Variants in LARP4B observed in about 807,000 individuals in gnomAD.
LARP4B encodes La ribonucleoprotein 4B, also known as la-related protein 4B.
Under a neutral mutation model 89.8 loss-of-function variants are expected in LARP4B, and 12 were observed. That is an observed-to-expected ratio of 0.13 (90% CI 0.09 to 0.22). LARP4B has a LOEUF of 0.22. LARP4B is among the 10% of genes least tolerant of loss of function. LARP4B has a pLI of 1.00. For synonymous variants in LARP4B, 367 were observed against 363.3 expected, an observed-to-expected ratio of 1.01 and a Z score of -0.12; for missense variants, 757 against 947.7, an observed-to-expected ratio of 0.80 and a Z score of 2.64.
intron 3 of LARP4B, among the ~76,000 whole-genome samples, chr10:884,098 G>A (rs1835780378): frequency 6.6e-6 from 1 of 152,136 alleles, no homozygotes; most frequent in African/African-American, 2.4e-5. Context: ...CAATTTGTGT[G>A]GTTTAAGGAA....
Position 872,695 on chromosome 10 carries a change from G to A in LARP4B, c.142-8425C>T, listed in dbSNP as rs1171715818. Among the ~76,000 whole-genome samples, 3 of 152,158 alleles carry A rather than the reference G, an allele frequency of 2.0e-5. No individual in the cohort carries two copies. The East Asian group carries it at 5.8e-4, about 29-fold the overall frequency. ...CAAAGGCTTCCTCCTGCAGGCCTCG[G>A]TCAGAAGGCACCAGCACACATGAGA... On this transcript the variant is annotated intron_variant, in intron 3 of 17. Coordinates refer to ENST00000316157, the MANE Select transcript of LARP4B (RefSeq NM_015155.3).
At chr10:903,766 A>G (rs1836407548) in intron 1 of LARP4B, among the ~76,000 whole-genome samples, 1 of 152,190 alleles carries the variant, frequency 6.6e-6, no homozygotes, top group African/African-American at 2.4e-5. Context: ...CATCATCACA[A>G]AACTACAGTT....
At chr10:895,879 T>C (rs1043655757) in intron 1 of LARP4B, among the ~76,000 whole-genome samples, 4 of 152,172 alleles carry the variant, frequency 2.6e-5, no homozygotes, top group African/African-American at 9.7e-5. Flanking sequence ...CAATGTGTGA[T>C]TAACTTATTG....
intron 3 of LARP4B, among the ~76,000 whole-genome samples, chr10:870,890 T>A (rs1231350818): frequency 1.3e-5 from 2 of 152,246 alleles, no homozygotes; most frequent in African/African-American, 4.8e-5. Context: ...TGGACTGAAA[T>A]GTGGTAACAC....
chr10:963,745 A>G, the LARP4B span, among the ~76,000 whole-genome samples: 8 of 152,332 alleles, frequency 5.3e-5, no homozygotes, highest in Non-Finnish European at 1.0e-4. Flanking sequence ...AGAGGCTGGG[A>G]AGTCCAAGAT....
At chr10:916,345 A>G (rs1836822338) in intron 1 of LARP4B, among the ~76,000 whole-genome samples, 2 of 152,250 alleles carry the variant, frequency 1.3e-5, no homozygotes, top group African/African-American at 4.8e-5. Flanking sequence ...ACTTGGCTAC[A>G]GTCAAAAATT....
chr10:817,843 C>T lies in LARP4B; in HGVS notation c.1577G>A (p.Ser526Asn), dbSNP rs772625362. 4.3e-5 allele frequency: 70 copies of T among 1,614,168 alleles called. No homozygotes were observed. The East Asian group carries it at 7.4e-4, about 17-fold the overall frequency. Residue 526 changes from serine to asparagine, a missense_variant, in exon 15 of 18, where the codon AGC becomes AAC. Transcript: ENST00000316157. The part of the protein sequence containing the change: ...SPTPPKPPSP[S>N]FELGLSSFPP... ...GAAGCTGGACAGCCCCAGCTCGAAG[C>T]TTGGCGACGGAGGCTTTGGTGGCGT...
chr10:919,543 T>C (rs1193778095), intron 1 of LARP4B, among the ~76,000 whole-genome samples: 1 of 152,136 alleles, frequency 6.6e-6, no homozygotes, highest in Admixed American at 6.6e-5. Flanking sequence ...ACAAGTCCAA[T>C]ACATTGTTGA....
At chr10:966,156 G>A in the LARP4B span, among the ~76,000 whole-genome samples, 1 of 151,928 alleles carries the variant, frequency 6.6e-6, no homozygotes, top group Non-Finnish European at 1.5e-5. Context: ...GATAGAGAAG[G>A]AGAAAAAGAA....
chr10:878,061 C>T (rs1007465044), intron 3 of LARP4B, among the ~76,000 whole-genome samples: 4 of 152,150 alleles, frequency 2.6e-5, no homozygotes, highest in Admixed American at 2.6e-4. Flanking sequence ...ACACCAGAAC[C>T]AATTGAGGCA....
At chr10:941,591 G>A in the LARP4B span, among the ~76,000 whole-genome samples, 1 of 152,194 alleles carries the variant, frequency 6.6e-6, no homozygotes, top group Non-Finnish European at 1.5e-5. Flanking sequence ...CAAGTGCTGG[G>A]ATTACAGGCG....
At chr10:876,005 C>T (rs1358600854) in intron 3 of LARP4B, among the ~76,000 whole-genome samples, 1 of 152,152 alleles carries the variant, frequency 6.6e-6, no homozygotes, top group African/African-American at 2.4e-5. Context: ...CACAATTCAC[C>T]CCAAGATCAA....
At chr10:949,183 C>A in the LARP4B span, among the ~76,000 whole-genome samples, 1 of 152,084 alleles carries the variant, frequency 6.6e-6, no homozygotes, top group South Asian at 2.1e-4. Context: ...TCCCACCAGC[C>A]CCACGTGAGT....
intron 1 of LARP4B, among the ~76,000 whole-genome samples, chr10:902,973 C>T (rs1269505042): frequency 6.6e-6 from 1 of 152,170 alleles, no homozygotes; most frequent in East Asian, 1.9e-4. Flanking sequence ...TGTTAAATTA[C>T]CTGGTTGAAA....
At chr10:936,223 G>T (rs1830747022), upstream of LARP4B, among the ~76,000 whole-genome samples, 1 of 152,176 alleles carries the variant, frequency 6.6e-6, no homozygotes, top group Non-Finnish European at 1.5e-5. Context: ...GAGCATCACA[G>T]ATGAGAAGCA....
intron 9 of LARP4B, among the ~76,000 whole-genome samples, chr10:830,481 C>G (rs1325880337): frequency 1.3e-5 from 2 of 152,218 alleles, no homozygotes; most frequent in Non-Finnish European, 1.5e-5. Flanking sequence ...CGCCTCCTTA[C>G]AGAGCTTACT....
At chr10:916,969 A>G (rs1436791043) in intron 1 of LARP4B, among the ~76,000 whole-genome samples, 1 of 152,156 alleles carries the variant, frequency 6.6e-6, no homozygotes, top group African/African-American at 2.4e-5. Context: ...AAGTGCTGAG[A>G]TTATAGCTAT....
intron 1 of LARP4B, among the ~76,000 whole-genome samples, chr10:904,227 T>G (rs1054580886): frequency 6.6e-6 from 1 of 152,006 alleles, no homozygotes; most frequent in Non-Finnish European, 1.5e-5. Context: ...AAAACCAATA[T>G]GGGCAGCATA....
chr10:859,115 C>T (rs1834458929), intron 5 of LARP4B, among the ~76,000 whole-genome samples: 1 of 151,992 alleles, frequency 6.6e-6, no homozygotes, highest in Admixed American at 6.6e-5. Flanking sequence ...CCCGTATCTA[C>T]TAAAAATACA....
Sources: gnomAD v4.1 joint callset for allele counts (sites outside exome capture counted in the v4.1 genomes callset) on GRCh38, gnomAD v4.1.1 for gene constraint, MANE v1.5 for transcripts, NCBI Gene and HGNC (gene_info 2026-07-23, HGNC 2026-07-21) for gene names.